NDST4: variants seen among roughly 807,000 people sequenced by gnomAD.
The protein encoded by NDST4 is N-heparan sulfate sulfotransferase 4.
Under a neutral mutation model 100.8 loss-of-function variants are expected in NDST4, and 63 were observed. The ratio of observed to expected loss-of-function variants is 0.62; its 90% CI spans 0.51 to 0.77. NDST4 has a LOEUF of 0.77. NDST4 is among the 30% of genes least tolerant of loss of function. The probability of loss-of-function intolerance (pLI) is 0.00; values close to 1 mark genes in which losing one functional copy is unlikely to be tolerated. For synonymous variants in NDST4, 377 were observed against 361.8 expected, an observed-to-expected ratio of 1.04 and a Z score of -0.48; for missense variants, 943 against 1,018.4, an observed-to-expected ratio of 0.93 and a Z score of 1.01.
At chr4:115,073,096 C>T (rs551450471) in intron 2 of NDST4, among the ~76,000 whole-genome samples, 3 of 151,988 alleles carry the variant, frequency 2.0e-5, no homozygotes, top group Non-Finnish European at 2.9e-5. Context: ...CAGGGAAATG[C>T]GTGTCAAAAC....
intron 2 of NDST4, among the ~76,000 whole-genome samples, chr4:115,050,931 A>T (rs1389549078): frequency 1.3e-5 from 2 of 152,130 alleles, no homozygotes; most frequent in African/African-American, 4.8e-5. Flanking sequence ...CTATTCCAGG[A>T]GAAAATCCCC....
At chr4:115,079,179 G>T (rs538707491) in intron 1 of NDST4, among the ~76,000 whole-genome samples, 1 of 151,738 alleles carries the variant, frequency 6.6e-6, no homozygotes, top group Non-Finnish European at 1.5e-5. Flanking sequence ...GTGAAACCCC[G>T]TCTCTACTAA....
At chr4:114,854,758 C>A (rs1244430461) in intron 7 of NDST4, among the ~76,000 whole-genome samples, 1 of 152,020 alleles carries the variant, frequency 6.6e-6, no homozygotes, top group African/African-American at 2.4e-5. Flanking sequence ...ATGAGCCCGA[C>A]CAATTTCCTT....
At chr4:114,913,425 T>G (rs527445313) in intron 6 of NDST4, among the ~76,000 whole-genome samples, 2 of 152,208 alleles carry the variant, frequency 1.3e-5, no homozygotes, top group African/African-American at 4.8e-5. Context: ...TGTCTTAAAA[T>G]GTTGACTTAC....
intron 2 of NDST4, among the ~76,000 whole-genome samples, chr4:115,009,561 A>C (rs1334182630): frequency 8.1e-6 from 1 of 123,514 alleles, no homozygotes; most frequent in Admixed American, 8.3e-5. Flanking sequence ...CTTAAACGTT[A>C]GACCTAAAAC....
chr4:114,970,803 A>G (rs1446045137), intron 3 of NDST4, among the ~76,000 whole-genome samples: 1 of 152,142 alleles, frequency 6.6e-6, no homozygotes, highest in Non-Finnish European at 1.5e-5. Flanking sequence ...ACCAGGTCAG[A>G]CAGTTGTTTA....
chr4:115,025,007 G>A (rs543157731), intron 2 of NDST4, among the ~76,000 whole-genome samples: 1 of 152,278 alleles, frequency 6.6e-6, no homozygotes, highest in African/African-American at 2.4e-5. Flanking sequence ...CTTCTGCCGT[G>A]GGTGACACGG....
At chr4:114,846,266 C>T (rs1317223888) in intron 9 of NDST4, among the ~76,000 whole-genome samples, 1 of 152,092 alleles carries the variant, frequency 6.6e-6, no homozygotes, top group Non-Finnish European at 1.5e-5. Context: ...TACATTTGGG[C>T]TGATGTTCTG....
At chr4:114,984,958 C>T (rs1184867123) in intron 2 of NDST4, among the ~76,000 whole-genome samples, 3 of 152,146 alleles carry the variant, frequency 2.0e-5, no homozygotes, top group East Asian at 1.9e-4. Flanking sequence ...TAAACTGTTA[C>T]TGCTACTCAA....
intron 6 of NDST4, among the ~76,000 whole-genome samples, chr4:114,910,434 T>C (rs1725040071): frequency 6.6e-6 from 1 of 152,222 alleles, no homozygotes; most frequent in Non-Finnish European, 1.5e-5. Context: ...TGTGTGTATG[T>C]GTGTCTGTGT....
intron 10 of NDST4, among the ~76,000 whole-genome samples, chr4:114,841,319 G>T (rs537379102): frequency 2.2e-4 from 33 of 152,176 alleles, no homozygotes; most frequent in Non-Finnish European, 4.3e-4. Flanking sequence ...AGGAGTTTCT[G>T]AATTATGCCT....
chr4:115,072,889 C>T (rs1729106083), intron 2 of NDST4, among the ~76,000 whole-genome samples: 1 of 151,816 alleles, frequency 6.6e-6, no homozygotes, highest in Non-Finnish European at 1.5e-5. Context: ...AGTGAAGAGA[C>T]AACATATGAA....
intron 2 of NDST4, among the ~76,000 whole-genome samples, chr4:115,011,890 C>T (rs1383550905): frequency 2.6e-5 from 4 of 151,680 alleles, no homozygotes; most frequent in African/African-American, 9.7e-5. Context: ...TTTTTCATGT[C>T]CATAAATAAA....
At chr4:115,023,166 A>G (rs1038812521) in intron 2 of NDST4, among the ~76,000 whole-genome samples, 3 of 152,082 alleles carry the variant, frequency 2.0e-5, no homozygotes, top group Non-Finnish European at 4.4e-5. Context: ...GGGTGCACCA[A>G]AATCTCACAA....
At chr4:114,933,289 G>C (rs1317020450) in intron 6 of NDST4, among the ~76,000 whole-genome samples, 2 of 152,024 alleles carry the variant, frequency 1.3e-5, no homozygotes, top group Admixed American at 6.6e-5. Context: ...AACAAAATTA[G>C]ACCTTTATCT....
intron 1 of NDST4, among the ~76,000 whole-genome samples, chr4:115,086,053 C>G (rs1469449538): frequency 6.6e-6 from 1 of 151,988 alleles, no homozygotes; most frequent in East Asian, 1.9e-4. Context: ...CAGTAGGGCA[C>G]AATTAATTCA....
intron 6 of NDST4, among the ~76,000 whole-genome samples, chr4:114,911,401 C>T (rs886414235): frequency 5.9e-5 from 9 of 152,202 alleles, no homozygotes; most frequent in Non-Finnish European, 1.3e-4. Context: ...GTCTGCCAAA[C>T]ATTACCTCAT....
chr4:114,920,960 A>G (rs1725273928), intron 6 of NDST4, among the ~76,000 whole-genome samples: 1 of 152,202 alleles, frequency 6.6e-6, no homozygotes, highest in South Asian at 2.1e-4. Context: ...AACAACTAGT[A>G]AGGGCTTTAA....
intron 2 of NDST4, among the ~76,000 whole-genome samples, chr4:115,068,910 T>A (rs1274442155): frequency 1.3e-5 from 2 of 151,958 alleles, no homozygotes; most frequent in Admixed American, 1.3e-4. Flanking sequence ...ATAATAATTG[T>A]CAATTAAATA....
Sources: allele counts gnomAD v4.1 joint callset (sites outside exome capture counted in the v4.1 genomes callset), GRCh38; gene constraint gnomAD v4.1.1; transcripts MANE v1.5; gene names NCBI Gene and HGNC (gene_info 2026-07-23, HGNC 2026-07-21).